The following NGF variants were observed in gnomAD, a reference collection of about 807,000 sequenced individuals.
NGF encodes beta-nerve growth factor.
In NGF, 4 loss-of-function variants were observed where a neutral mutation model predicts 12.8. That is an observed-to-expected ratio of 0.31 (90% CI 0.15 to 0.72). The LOEUF (loss-of-function observed/expected upper bound fraction) is 0.72, where lower values mean the gene tolerates loss of function less well. NGF is among the 30% of genes least tolerant of loss of function. NGF has a pLI of 0.69. For synonymous variants in NGF, 140 were observed against 130.0 expected (o/e 1.08, Z -0.52); for missense variants, 283 against 330.8 (o/e 0.86, Z 1.12).
intron 1 of NGF, among the ~76,000 whole-genome samples, chr1:115,334,115 C>A (rs960923555): frequency 6.6e-6 from 1 of 152,096 alleles, no homozygotes; most frequent in Non-Finnish European, 1.5e-5. Flanking sequence ...CACCATCCCT[C>A]GAGTGTAGTG....
At chr1:115,337,325 G>T (rs1655156997) in intron 1 of NGF, among the ~76,000 whole-genome samples, 1 of 110,510 alleles carries the variant, frequency 9.0e-6, no homozygotes, top group Non-Finnish European at 1.7e-5. Flanking sequence ...TTTGTAATTA[G>T]AGGGAGCTAA....
chr1:115,323,447 A>G (rs1654683191), intron 1 of NGF, among the ~76,000 whole-genome samples: 1 of 152,176 alleles, frequency 6.6e-6, no homozygotes, highest in Admixed American at 6.5e-5. Context: ...CTAAGGAAGC[A>G]GGAAGGGATG....
Position 115,286,168 on chromosome 1 carries a change from C to T in NGF, c.628G>A (p.Ala210Thr), listed in dbSNP as rs1216943127. The change falls in exon 3 of 3, where the codon GCG (alanine) becomes ACG (threonine). Residue 210 changes from alanine to threonine, a missense_variant. Physicochemically the swap from Ala to Thr is moderately conservative, Grantham distance 58. Around this residue, in one of 2 missense-constraint regions of NGF, gnomAD observed 132 missense variants for 189.2 expected, o/e 0.70. Transcript: ENST00000369512. ...GCCTGCTTGCCATCCATGGTCAGCG[C>T]CTTGACAAAGGTGTGAGTCGTGGTA... ...YCTTTHTFVK[A>T]LTMDGKQAAW... is the part of the protein sequence containing the mutation. 1.9e-6 allele frequency: 3 copies of T among 1,614,020 alleles called. No homozygotes were observed.
At chr1:115,320,542 G>A (rs911652846) in intron 1 of NGF, among the ~76,000 whole-genome samples, 2 of 152,134 alleles carry the variant, frequency 1.3e-5, no homozygotes, top group African/African-American at 4.8e-5. Flanking sequence ...GTGACTAAGG[G>A]GCAGGTAGCC....
At chr1:115,311,317 T>A (rs894634704) in intron 1 of NGF, among the ~76,000 whole-genome samples, 11 of 152,230 alleles carry the variant, frequency 7.2e-5, no homozygotes, top group Non-Finnish European at 1.6e-4. Flanking sequence ...AACTTGGAGT[T>A]GTCATCCAGA....
At chr1:115,286,949 G>A in intron 2 of NGF, 142 bp from the exon 3 acceptor site, 1 of 1,050,178 alleles carries the variant, frequency 9.5e-7, no homozygotes, top group South Asian at 1.3e-5. Context: ...GAGGGAAAGG[G>A]TGTGCTAGCA....
At chr1:115,312,203 T>C (rs1042079206) in intron 1 of NGF, among the ~76,000 whole-genome samples, 1 of 152,228 alleles carries the variant, frequency 6.6e-6, no homozygotes, top group African/African-American at 2.4e-5. Flanking sequence ...TAATGAATTA[T>C]TCAATACTTT....
chr1:115,291,181 TA>T (rs1456557730), intron 2 of NGF, among the ~76,000 whole-genome samples: 2 of 152,156 alleles, frequency 1.3e-5, no homozygotes, highest in African/African-American at 2.4e-5. Flanking sequence ...AAAGTTTTTT[TA>T]AAAAAATATT....
Position 115,286,354 on chromosome 1 carries a change from T to C in NGF, c.442A>G (p.Thr148Ala). 6.2e-7 allele frequency: 1 copy of C among 1,613,878 alleles called. No homozygotes were observed. The highest frequency in any genetic ancestry group is 8.5e-7 in the Non-Finnish European group (1 of 1,179,958). Residue 148 changes from threonine to alanine, a missense_variant, in exon 3 of 3, where the codon ACC becomes GCC. Thr to Ala is a moderately conservative substitution (Grantham distance 58). Transcript: ENST00000369512. ...TCCTTGCCCTTGATGTCTGTGGCGGTGGTCTTATCCCCAACCCACACGCTG... is the reference window on the plus strand; with the variant it reads ...TCCTTGCCCTTGATGTCTGTGGCGGCGGTCTTATCCCCAACCCACACGCTG... ...SVSVWVGDKT[T>A]ATDIKGKEVM...
At chr1:115,327,270 T>C (rs191741501) in intron 1 of NGF, among the ~76,000 whole-genome samples, 13 of 152,390 alleles carry the variant, frequency 8.5e-5, no homozygotes, top group African/African-American at 2.9e-4. Flanking sequence ...ATCATAAAGA[T>C]GCTTTAAAAA....
Position 115,286,501 on chromosome 1 carries a change from C to G in NGF, c.295G>C (p.Asp99His). ...ACCTCGAAGTCCAGATCCTGAGTGT[C>G]TGCAGCTTCACGGGGAGGCTGGGTG... The part of the protein sequence containing the change: ...FSTQPPREAA[D>H]TQDLDFEVGG... Residue 99 changes from aspartate (D) to histidine (H), a missense_variant, in exon 3 of 3, where the codon GAC becomes CAC. Physicochemically the swap from Asp to His is moderately conservative, Grantham distance 81. Transcript: ENST00000369512. The G allele has an allele frequency of 1.9e-6, 3 of 1,614,188 alleles. No individual in the cohort carries two copies. The highest frequency in any genetic ancestry group is 2.5e-6 in the Non-Finnish European group (3 of 1,180,046).
intron 1 of NGF, among the ~76,000 whole-genome samples, chr1:115,320,382 C>T (rs1343473507): frequency 6.6e-6 from 1 of 151,978 alleles, no homozygotes; most frequent in Admixed American, 6.6e-5. Flanking sequence ...TGCCAGCATC[C>T]CTACTCTTGT....
intron 1 of NGF, among the ~76,000 whole-genome samples, chr1:115,310,750 G>A (rs1043803143): frequency 1.3e-5 from 2 of 151,634 alleles, no homozygotes; most frequent in Non-Finnish European, 2.9e-5. Flanking sequence ...CTCACATAAG[G>A]TTTGTATATA....
At chr1:115,313,811 C>A (rs1428099211) in intron 1 of NGF, among the ~76,000 whole-genome samples, 1 of 152,148 alleles carries the variant, frequency 6.6e-6, no homozygotes, top group African/African-American at 2.4e-5. Flanking sequence ...CCTGAGGAAA[C>A]AGTTGAGGGC....
chr1:115,299,440 A>G (rs1366874838), intron 1 of NGF, among the ~76,000 whole-genome samples: 10 of 152,166 alleles, frequency 6.6e-5, no homozygotes, highest in Admixed American at 6.5e-4. Context: ...GTGGCCTTCT[A>G]TTGTGTGTGG....
chr1:115,315,843 TAAAC>T (rs2101044058), intron 1 of NGF, among the ~76,000 whole-genome samples: 1 of 152,318 alleles, frequency 6.6e-6, no homozygotes, highest in Admixed American at 6.5e-5. Flanking sequence ...TCGAGGAAGT[TAAAC>T]AAATTTCCCA....
intron 1 of NGF, among the ~76,000 whole-genome samples, chr1:115,336,596 G>A (rs1251229963): frequency 1.3e-5 from 2 of 152,180 alleles, no homozygotes; most frequent in African/African-American, 4.8e-5. Flanking sequence ...CAACAAAAGA[G>A]ACCCATCAGG....
chr1:115,321,575 GATGTGTGTGTGTGTGTGTGT>G (rs1205665790), intron 1 of NGF, among the ~76,000 whole-genome samples: 3 of 106,588 alleles, frequency 2.8e-5, no homozygotes, highest in African/African-American at 1.0e-4. Flanking sequence ...GTGTGTATGG[GATGTGTGTGTGTGTGTGTGT>G]GTGTGTGTGT....
At chr1:115,337,137 C>G (rs2101061053) in intron 1 of NGF, among the ~76,000 whole-genome samples, 1 of 152,228 alleles carries the variant, frequency 6.6e-6, no homozygotes, top group South Asian at 2.1e-4. Flanking sequence ...CAACTTCCAA[C>G]CTGGAACAAC....
Sources: gnomAD v4.1 joint callset for allele counts (sites outside exome capture counted in the v4.1 genomes callset) on GRCh38, gnomAD v4.1.1 for gene constraint, gnomAD v4.1.1 regional missense constraint, MANE v1.5 for transcripts, NCBI Gene and HGNC (gene_info 2026-07-23, HGNC 2026-07-21) for gene names.